The following CTSS variants were observed in gnomAD, a reference collection of about 807,000 sequenced individuals.
CTSS encodes cathepsin S.
Under a neutral mutation model 39.9 loss-of-function variants are expected in CTSS, and 15 were observed. The observed-to-expected ratio is 0.38, with a 90% confidence interval of 0.25 to 0.58. The LOEUF (loss-of-function observed/expected upper bound fraction) is 0.58. CTSS is among the 20% of genes least tolerant of loss of function. The pLI is 0.70. For synonymous variants in CTSS, 126 were observed against 138.2 expected (o/e 0.91, Z 0.62); for missense variants, 250 against 398.2 (o/e 0.63, Z 3.17).
At chr1:150,759,599 A>G (rs1225814788) in intron 2 of CTSS, among the ~76,000 whole-genome samples, 1 of 152,096 alleles carries the variant, frequency 6.6e-6, no homozygotes, top group East Asian at 1.9e-4. Context: ...TAGTGTGCAT[A>G]TTATTCCTTT....
chr1:150,760,239 T>C (rs996287595), intron 2 of CTSS, among the ~76,000 whole-genome samples: 1 of 152,184 alleles, frequency 6.6e-6, no homozygotes, highest in Non-Finnish European at 1.5e-5. Context: ...GTGAAATTCA[T>C]CACCACCAAC....
At position 150,758,910 on chromosome 1, in the gene CTSS, A is replaced by G. The variant is rs1002191533; in HGVS notation, c.127-930T>C. Among the ~76,000 whole-genome samples the G allele has an allele frequency of 2.0e-4, 29 of 146,876 alleles. 2 individuals are homozygous for G. Among genetic ancestry groups the G allele is most frequent in the Admixed American group, 4.9e-4 (7 of 14,426 alleles). ...TTTGCCCAGGCTGGAGTGCAGTGGT[A>G]TGATCATAGCTCACTACAGCCTCAA... On this transcript the variant is annotated intron_variant, in intron 2 of 7. Coordinates refer to ENST00000368985, the MANE Select transcript of CTSS (RefSeq NM_004079.5).
intron 5 of CTSS, among the ~76,000 whole-genome samples, chr1:150,751,082 C>T (rs1394660579): frequency 1.3e-5 from 2 of 151,616 alleles, no homozygotes; most frequent in African/African-American, 4.8e-5. Flanking sequence ...CTTAGGTTAT[C>T]GTTATATCAA....
intron 7 of CTSS, among the ~76,000 whole-genome samples, chr1:150,738,795 G>A (rs1230796410): frequency 2.0e-5 from 3 of 152,142 alleles, no homozygotes; most frequent in African/African-American, 4.8e-5. Flanking sequence ...GATAAGTGGT[G>A]TGTGTTCTGA....
chr1:150,764,847 A>G, intron 1 of CTSS, 83 bp from the exon 2 acceptor site: 1 of 1,504,680 alleles, frequency 6.6e-7, no homozygotes, highest in Non-Finnish European at 9.1e-7. Flanking sequence ...GAAAATAACA[A>G]TGCAAAGTCT....
intron 6 of CTSS, among the ~76,000 whole-genome samples, chr1:150,748,448 T>A (rs1011068572): frequency 5.3e-5 from 8 of 152,144 alleles, no homozygotes; most frequent in African/African-American, 1.9e-4. Flanking sequence ...CACCACCTTT[T>A]TCTAAGTTTT....
At chr1:150,741,832 G>GCTC (rs761645280) in intron 7 of CTSS, among the ~76,000 whole-genome samples, 2 of 150,346 alleles carry the variant, frequency 1.3e-5, no homozygotes, top group South Asian at 4.4e-4. Flanking sequence ...CCGAGATTGT[G>GCTC]CCACTGCACT....
At chr1:150,737,277 T>G (rs1470275435) in intron 7 of CTSS, among the ~76,000 whole-genome samples, 1 of 152,186 alleles carries the variant, frequency 6.6e-6, no homozygotes, top group African/African-American at 2.4e-5. Context: ...TAATTTTGTA[T>G]TTTTAGTAGA....
intron 6 of CTSS, 112 bp downstream of exon 6, chr1:150,749,894 A>G (rs1652974856): frequency 1.2e-6 from 1 of 851,724 alleles, no homozygotes. Context: ...GGCTCAAGCA[A>G]TCCTCCCACC....
At chr1:150,740,516 G>A (rs371988488) in intron 7 of CTSS, among the ~76,000 whole-genome samples, 9 of 151,862 alleles carry the variant, frequency 5.9e-5, no homozygotes, top group African/African-American at 1.9e-4. Context: ...TCAGCCTCCC[G>A]AGTAGCTGGG....
rs1009318616 is a variant in CTSS at position 150,742,197 on chromosome 1, C to T, written c.896+5580G>A. On this transcript the variant is annotated intron_variant, in intron 7 of 7. Transcript: ENST00000368985. ...GCTTGAACCTTAAAGGCAGAGGTTG[C>T]GGTGAGCTGAGATCATGCCACTGCA... 8.2e-4 allele frequency among the ~76,000 whole-genome samples: 125 copies of T among 151,690 alleles called. 1 individual carries two copies. Among genetic ancestry groups the T allele is most frequent in the South Asian group, 1.0e-3 (5 of 4,802 alleles).
At chr1:150,749,007 T>C (rs1391827386) in intron 6 of CTSS, among the ~76,000 whole-genome samples, 1 of 152,200 alleles carries the variant, frequency 6.6e-6, no homozygotes, top group Non-Finnish European at 1.5e-5. Context: ...CCCACAAATG[T>C]TGTGTGTGTT....
chr1:150,757,741 A>T, intron 3 of CTSS, 117 bp downstream of exon 3: 1 of 1,017,840 alleles, frequency 9.8e-7, no homozygotes, highest in Non-Finnish European at 1.4e-6. Context: ...CTGTTTTCCA[A>T]CTTTGTACTA....
chr1:150,765,089 T>TTCTC (rs3831278), intron 1 of CTSS, among the ~76,000 whole-genome samples: 51,248 of 148,444 alleles, frequency 0.35, 9,126 homozygotes, highest in South Asian at 0.53. Flanking sequence ...GGAAATCTCT[T>TTCTC]TCTCTCTCTC....
At chr1:150,746,341 AT>A (rs932771332) in intron 7 of CTSS, among the ~76,000 whole-genome samples, 11 of 151,780 alleles carry the variant, frequency 7.2e-5, no homozygotes, top group African/African-American at 2.7e-4. Context: ...TATTTCCTCC[AT>A]TTTTTCCCTC....
At chr1:150,737,817 G>A (rs991795537) in intron 7 of CTSS, among the ~76,000 whole-genome samples, 8 of 152,184 alleles carry the variant, frequency 5.3e-5, no homozygotes, top group African/African-American at 1.4e-4. Context: ...TTAAGAGACA[G>A]GGCTCAATTT....
chr1:150,742,300 A>G (rs1470249624), intron 7 of CTSS, among the ~76,000 whole-genome samples: 3 of 152,184 alleles, frequency 2.0e-5, no homozygotes, highest in Non-Finnish European at 2.9e-5. Flanking sequence ...ATCAAACTGT[A>G]TAAGAATGCC....
chr1:150,738,653 A>G (rs981306519), intron 7 of CTSS, among the ~76,000 whole-genome samples: 6 of 146,096 alleles, frequency 4.1e-5, no homozygotes, highest in Non-Finnish European at 7.6e-5. Context: ...CAGGGTAATT[A>G]AAAAAAAAAA....
chr1:150,743,578 AT>A (rs1471987110), intron 7 of CTSS, among the ~76,000 whole-genome samples: 10 of 127,190 alleles, frequency 7.9e-5, no homozygotes, highest in African/African-American at 2.8e-4. Flanking sequence ...TACATAATAT[AT>A]TATATATGTA....
Sources: allele counts gnomAD v4.1 joint callset (sites outside exome capture counted in the v4.1 genomes callset), GRCh38; gene constraint gnomAD v4.1.1; transcripts MANE v1.5; gene names NCBI Gene and HGNC (gene_info 2026-07-23, HGNC 2026-07-21).